TUSC3: variants seen among roughly 807,000 people sequenced by gnomAD.
TUSC3 encodes the protein tumor suppressor candidate 3.
In TUSC3, 45 loss-of-function variants were observed where a neutral mutation model predicts 44.8. The observed-to-expected ratio is 1.00, with a 90% CI of 0.79 to 1.29. The LOEUF (loss-of-function observed/expected upper bound fraction) is 1.29. Ranked by LOEUF, TUSC3 falls within the 50% of genes most tolerant of loss-of-function variation. The probability of loss-of-function intolerance (pLI) is 0.00; values close to 1 mark genes in which losing one functional copy is unlikely to be tolerated. For missense variants in TUSC3, 519 were observed against 437.9 expected, an observed-to-expected ratio of 1.19 and a Z score of -1.65; for synonymous variants, 212 against 152.9, an observed-to-expected ratio of 1.39 and a Z score of -2.85.
chr8:15,692,897 C>T (rs1445373864), intron 6 of TUSC3, among the ~76,000 whole-genome samples: 1 of 152,086 alleles, frequency 6.6e-6, no homozygotes, highest in Non-Finnish European at 1.5e-5. Flanking sequence ...GAATTGAGCC[C>T]TTTACCACTA....
At position 15,764,473 on chromosome 8, in the gene TUSC3, A is replaced by C; in HGVS notation, c.*317A>C. On this transcript the variant is annotated 3_prime_UTR_variant, in exon 11 of 11. Transcript: ENST00000503731. ...GTGCCACAGGATTGAAATAAATGACAATGTAATTATGAATTCATGTTTTAG... is the reference window on the plus strand; with the variant it reads ...GTGCCACAGGATTGAAATAAATGACCATGTAATTATGAATTCATGTTTTAG... The C allele has an allele frequency of 2.4e-6, 1 of 411,890 alleles. No homozygotes were observed. The highest frequency in any genetic ancestry group is 4.7e-5 in the East Asian group (1 of 21,444). 25.5% of individuals were successfully genotyped at this position (411,890 alleles called of 1,614,324 possible). A position where few individuals can be genotyped will look rare whatever the true frequency, so the allele number is the denominator to read the frequency against.
At chr8:15,813,881 G>T in the TUSC3 span, among the ~76,000 whole-genome samples, 1 of 152,190 alleles carries the variant, frequency 6.6e-6, no homozygotes, top group East Asian at 1.9e-4. Flanking sequence ...AGTCTTCACA[G>T]CCAGTCTGCT....
chr8:15,764,314 G>A lies in TUSC3; in HGVS notation c.*158G>A. On this transcript the variant is annotated 3_prime_UTR_variant, in exon 11 of 11. Transcript: ENST00000503731. Reference sequence around the variant, plus strand: ...GAATTCATTCATTTCATTGTGATCAGCTAGCTTATTCTTGTGTACTTTTTT... The same window carrying A: ...GAATTCATTCATTTCATTGTGATCAACTAGCTTATTCTTGTGTACTTTTTT... The A allele has an allele frequency of 7.5e-7, 1 of 1,338,976 alleles. No individual in the cohort carries two copies. Among genetic ancestry groups the A allele is most frequent in the Non-Finnish European group, 1.1e-6 (1 of 948,812 alleles). The allele number at this position is 1,338,976 out of a possible 1,614,324, so 82.9% of individuals were successfully genotyped here.
chr8:15,648,521 T>C (rs1300103002), intron 2 of TUSC3, among the ~76,000 whole-genome samples: 2 of 151,198 alleles, frequency 1.3e-5, no homozygotes, highest in African/African-American at 2.4e-5. Context: ...GGTCAGGAGA[T>C]CGAGACCATC....
At chr8:15,728,168 A>T (rs939274360) in intron 6 of TUSC3, among the ~76,000 whole-genome samples, 1 of 152,200 alleles carries the variant, frequency 6.6e-6, no homozygotes, top group African/African-American at 2.4e-5. Flanking sequence ...TTTTTCTCAC[A>T]CATCTGAGAA....
At chr8:15,533,896 G>C (rs1801484002) in intron 2 of TUSC3, among the ~76,000 whole-genome samples, 1 of 152,080 alleles carries the variant, frequency 6.6e-6, no homozygotes, top group Non-Finnish European at 1.5e-5. Flanking sequence ...GTCAGGGAGG[G>C]GTTTATCTCA....
At chr8:15,636,692 T>C (rs1306758005) in intron 2 of TUSC3, among the ~76,000 whole-genome samples, 1 of 152,232 alleles carries the variant, frequency 6.6e-6, no homozygotes, top group African/African-American at 2.4e-5. Flanking sequence ...GCCTGTTGCA[T>C]TGTTTCCTTT....
At chr8:15,418,693 C>T (rs1479677336) in intron 1 of TUSC3, among the ~76,000 whole-genome samples, 2 of 152,068 alleles carry the variant, frequency 1.3e-5, no homozygotes, top group African/African-American at 2.4e-5. Flanking sequence ...TTTGTCAATA[C>T]CTAAGAGTTA....
intron 1 of TUSC3, among the ~76,000 whole-genome samples, chr8:15,585,332 G>A (rs952300762): frequency 6.6e-6 from 1 of 152,148 alleles, no homozygotes; most frequent in Non-Finnish European, 1.5e-5. Context: ...TCTCACCAAT[G>A]CACCACAATG....
At chr8:15,644,425 G>C (rs554100291) in intron 2 of TUSC3, among the ~76,000 whole-genome samples, 2 of 152,220 alleles carry the variant, frequency 1.3e-5, no homozygotes, top group African/African-American at 4.8e-5. Flanking sequence ...AGTCATTTTA[G>C]TTAAGTGCTT....
chr8:15,675,011 T>A (rs1808121068), intron 6 of TUSC3, among the ~76,000 whole-genome samples: 1 of 152,002 alleles, frequency 6.6e-6, no homozygotes, highest in Non-Finnish European at 1.5e-5. Flanking sequence ...CTATACTCTG[T>A]CTCCCTCTCC....
rs1808483735 is a variant in TUSC3, at chr8:15,682,893, A to G, written c.798+9057A>G. Among the ~76,000 whole-genome samples the G allele has an allele frequency of 6.8e-5, 10 of 147,724 alleles. No homozygotes were observed. The South Asian group carries it at 2.1e-3, about 31-fold the overall frequency. On this transcript the variant is annotated intron_variant, in intron 6 of 10. Coordinates refer to ENST00000503731, the MANE Select transcript of TUSC3 (RefSeq NM_006765.4). The stretch of plus-strand genomic sequence containing the variant: ...TGATTGATTCTCTGGGAAAGGCGTT[A>G]TTTTTTCACTTACCAGCTTAGTTTG...
At chr8:15,439,915 C>T (rs1393313589) in intron 1 of TUSC3, among the ~76,000 whole-genome samples, 2 of 152,170 alleles carry the variant, frequency 1.3e-5, no homozygotes, top group African/African-American at 2.4e-5. Context: ...TTGCTTCTTA[C>T]AAGTAATGCA....
chr8:15,842,074 A>G, the TUSC3 span, among the ~76,000 whole-genome samples: 1 of 152,192 alleles, frequency 6.6e-6, no homozygotes, highest in Non-Finnish European at 1.5e-5. Context: ...CACGTTTCTT[A>G]TTCCTCAGAA....
intron 7 of TUSC3, among the ~76,000 whole-genome samples, chr8:15,738,005 A>G (rs1166396425): frequency 6.6e-6 from 1 of 152,178 alleles, no homozygotes; most frequent in Non-Finnish European, 1.5e-5. Flanking sequence ...CTTGAGTTAA[A>G]AAATGTATCT....
the TUSC3 span, among the ~76,000 whole-genome samples, chr8:15,818,180 A>C: frequency 6.6e-6 from 1 of 152,214 alleles, no homozygotes; most frequent in Non-Finnish European, 1.5e-5. Flanking sequence ...AAACTTTTTA[A>C]AAGTTTTCCA....
chr8:15,602,890 A>T (rs913913900), intron 1 of TUSC3, among the ~76,000 whole-genome samples: 1 of 151,706 alleles, frequency 6.6e-6, no homozygotes, highest in African/African-American at 2.4e-5. Flanking sequence ...ATTACCTTGT[A>T]ACATAAATAA....
intron 2 of TUSC3, among the ~76,000 whole-genome samples, chr8:15,484,520 C>A (rs1419604727): frequency 6.6e-6 from 1 of 152,218 alleles, no homozygotes; most frequent in Non-Finnish European, 1.5e-5. Flanking sequence ...TTGTGAGATA[C>A]ATCTAAGTAT....
the TUSC3 span, among the ~76,000 whole-genome samples, chr8:15,812,950 T>A: frequency 6.6e-6 from 1 of 151,920 alleles, no homozygotes; most frequent in African/African-American, 2.4e-5. Context: ...AAAAATTAGC[T>A]GGGCGTGGTG....
Sources: gnomAD v4.1 joint callset for allele counts (sites outside exome capture counted in the v4.1 genomes callset) on GRCh38, gnomAD v4.1.1 for gene constraint, MANE v1.5 for transcripts, NCBI Gene and HGNC (gene_info 2026-07-23, HGNC 2026-07-21) for gene names.